Variants in CFAP61 observed in about 807,000 individuals in gnomAD.
CFAP61 encodes cilia- and flagella-associated protein 61.
A neutral mutation model predicts 135.6 loss-of-function variants in CFAP61; 107 were observed. That is an observed-to-expected ratio of 0.79 (90% CI 0.67 to 0.93). The LOEUF is 0.93. Among genes scored for constraint, CFAP61 ranks in the 40% least tolerant of loss-of-function variants. The pLI is 0.00. For missense variants in CFAP61, 1,507 were observed against 1,556.2 expected (o/e 0.97, Z 0.53); for synonymous variants, 575 against 578.5 (o/e 0.99, Z 0.09).
At chr20:20,328,695 A>G (rs1243741288) in intron 25 of CFAP61, among the ~76,000 whole-genome samples, 1 of 152,234 alleles carries the variant, frequency 6.6e-6, no homozygotes, top group Non-Finnish European at 1.5e-5. Flanking sequence ...TAGAAAAAAT[A>G]AATAACCCAA....
At chr20:20,115,081 C>T (rs1414167260) in intron 8 of CFAP61, among the ~76,000 whole-genome samples, 1 of 151,936 alleles carries the variant, frequency 6.6e-6, no homozygotes, top group East Asian at 1.9e-4. Context: ...TCTTGATATA[C>T]AATTCTTTAT....
chr20:20,258,517 C>G (rs1001536703), intron 20 of CFAP61: 3 of 152,156 alleles, frequency 2.0e-5, no homozygotes, highest in African/African-American at 7.2e-5. Context: ...AGTGAAGATT[C>G]AGGGTGTGCA....
chr20:20,245,262 T>C (rs1049500815), intron 18 of CFAP61, among the ~76,000 whole-genome samples: 4 of 152,238 alleles, frequency 2.6e-5, no homozygotes, highest in Non-Finnish European at 4.4e-5. Context: ...ATTCTCATGC[T>C]GCTGATAAAC....
At chr20:20,234,452 AG>A (rs1369624386) in intron 18 of CFAP61, among the ~76,000 whole-genome samples, 1 of 152,172 alleles carries the variant, frequency 6.6e-6, no homozygotes, top group African/African-American at 2.4e-5. Context: ...AGAAGAAGCA[AG>A]GGTTAGGTAA....
chr20:20,133,920 C>T (rs1028436), intron 8 of CFAP61, among the ~76,000 whole-genome samples: 57,467 of 152,008 alleles, frequency 0.38, 11,021 homozygotes, highest in Middle Eastern at 0.55. Context: ...TCATGCAACC[C>T]GCCTAGTATC....
At chr20:20,281,463 G>A (rs1453057103) in intron 22 of CFAP61, among the ~76,000 whole-genome samples, 1 of 152,064 alleles carries the variant, frequency 6.6e-6, no homozygotes, top group African/African-American at 2.4e-5. Context: ...ATGAACGGCT[G>A]TTGAATTTTG....
Position 20,355,024 on chromosome 20 carries a change from G to A in CFAP61, c.3514-5186G>A, listed in dbSNP as rs376839410. Among the ~76,000 whole-genome samples, 77 of 145,840 alleles carry A rather than the reference G, an allele frequency of 5.3e-4. 1 individual carries two copies. Among genetic ancestry groups the A allele is most frequent in the African/African-American group, 1.8e-3 (68 of 38,832 alleles). On this transcript the variant is annotated intron_variant, in intron 26 of 26. Transcript: ENST00000245957. Reference sequence around the variant, plus strand: ...GAGATGGTCACACTGCAAGAGGGGAGGTGATCACACTGAGGGGAGGTGGTC... The same window carrying A: ...GAGATGGTCACACTGCAAGAGGGGAAGTGATCACACTGAGGGGAGGTGGTC...
At chr20:20,179,338 T>C (rs867001333) in intron 13 of CFAP61, among the ~76,000 whole-genome samples, 2 of 151,904 alleles carry the variant, frequency 1.3e-5, no homozygotes, top group Admixed American at 6.6e-5. Context: ...AGATGAAAGA[T>C]CTCTACAAGG....
chr20:20,141,952 G>T (rs894085341), intron 8 of CFAP61, among the ~76,000 whole-genome samples: 9 of 152,144 alleles, frequency 5.9e-5, no homozygotes, highest in Non-Finnish European at 4.4e-5. Context: ...GCCATGAGCA[G>T]GGTGTCCTAG....
chr20:20,149,204 A>C (rs2052180936), intron 9 of CFAP61, among the ~76,000 whole-genome samples: 1 of 152,230 alleles, frequency 6.6e-6, no homozygotes, highest in Non-Finnish European at 1.5e-5. Flanking sequence ...AAGACTCAAT[A>C]AATTTAGGAT....
At chr20:20,301,585 A>G (rs947149341) in intron 25 of CFAP61, among the ~76,000 whole-genome samples, 4 of 152,208 alleles carry the variant, frequency 2.6e-5, no homozygotes, top group African/African-American at 9.6e-5. Context: ...ATACAAAGGT[A>G]TCCTCCTAGG....
chr20:20,292,806 C>G (rs540179434), intron 24 of CFAP61, among the ~76,000 whole-genome samples: 5 of 152,230 alleles, frequency 3.3e-5, no homozygotes, highest in African/African-American at 1.2e-4. Context: ...TTGTTACTAG[C>G]AAGCTGGAAG....
At chr20:20,069,779 C>T (rs559889622) in intron 2 of CFAP61, 1 of 456,096 alleles carries the variant, frequency 2.2e-6, no homozygotes, top group South Asian at 1.6e-5. Flanking sequence ...ACAGTGTATT[C>T]CTTCTGTGAT....
At chr20:20,084,435 C>CTGCTGT (rs1414190509) in intron 6 of CFAP61, among the ~76,000 whole-genome samples, 1 of 151,846 alleles carries the variant, frequency 6.6e-6, no homozygotes, top group African/African-American at 2.4e-5. Flanking sequence ...GCTGCTGCTG[C>CTGCTGT]TGCTGTCACT....
At chr20:20,203,976 C>T (rs2056748688) in intron 17 of CFAP61, among the ~76,000 whole-genome samples, 1 of 152,164 alleles carries the variant, frequency 6.6e-6, no homozygotes, top group South Asian at 2.1e-4. Flanking sequence ...GCTTCCTTTC[C>T]AGGAATGGGA....
intron 2 of CFAP61, among the ~76,000 whole-genome samples, chr20:20,066,910 G>A (rs1193744477): frequency 6.6e-6 from 1 of 152,086 alleles, no homozygotes; most frequent in Non-Finnish European, 1.5e-5. Flanking sequence ...TTGTTTACTG[G>A]GTGATAAATT....
At chr20:20,105,610 T>C (rs1290252361) in intron 8 of CFAP61, among the ~76,000 whole-genome samples, 1 of 152,042 alleles carries the variant, frequency 6.6e-6, no homozygotes, top group Non-Finnish European at 1.5e-5. Context: ...CTTATACTTG[T>C]TAAAATTTGA....
At chr20:20,281,296 G>A (rs974782189) in intron 22 of CFAP61, among the ~76,000 whole-genome samples, 3 of 152,096 alleles carry the variant, frequency 2.0e-5, no homozygotes, top group Non-Finnish European at 2.9e-5. Context: ...ATAAAAGTGG[G>A]GGAAATAGAC....
chr20:20,338,498 C>T (rs1410301033), intron 25 of CFAP61, among the ~76,000 whole-genome samples: 1 of 152,224 alleles, frequency 6.6e-6, no homozygotes, highest in African/African-American at 2.4e-5. Flanking sequence ...CCCTGCCACC[C>T]GCCTCCTCCT....
Sources: gnomAD v4.1 joint callset for allele counts (sites outside exome capture counted in the v4.1 genomes callset) on GRCh38, gnomAD v4.1.1 for gene constraint, MANE v1.5 for transcripts, NCBI Gene and HGNC (gene_info 2026-07-23, HGNC 2026-07-21) for gene names.